Variants in ADARB2 observed in about 807,000 individuals in gnomAD.
The protein encoded by ADARB2 is inactive double-stranded RNA-specific editase B2.
ADARB2 carries 25 observed loss-of-function variants against 62.2 expected under a neutral mutation model. The observed-to-expected ratio is 0.40, with a 90% CI of 0.29 to 0.56. The LOEUF is 0.56. ADARB2 is among the 20% of genes least tolerant of loss of function. The probability of loss-of-function intolerance (pLI) is 0.43; values close to 1 mark genes in which losing one functional copy is unlikely to be tolerated. For synonymous variants in ADARB2, 572 were observed against 500.8 expected, an observed-to-expected ratio of 1.14 and a Z score of -1.90; for missense variants, 1,071 against 1,077.4, an observed-to-expected ratio of 0.99 and a Z score of 0.08.
At chr10:1,352,878 A>G (rs1214579278) in intron 3 of ADARB2, among the ~76,000 whole-genome samples, 4 of 151,876 alleles carry the variant, frequency 2.6e-5, no homozygotes, top group African/African-American at 7.3e-5. Context: ...CCATTTCCCC[A>G]TATTTCCTTC....
Position 1,620,782 on chromosome 10 carries a change from C to T in ADARB2, c.100+116269G>A, listed in dbSNP as rs147522257. On this transcript the variant is annotated intron_variant, in intron 1 of 9. Coordinates refer to ENST00000381312, the MANE Select transcript of ADARB2 (RefSeq NM_018702.4). ...GTATGTAAAGACCAAGTTAGATTTACGCCTACAGTGAAAAGTTGGCCTAAA... is the reference window on the plus strand; with the variant it reads ...GTATGTAAAGACCAAGTTAGATTTATGCCTACAGTGAAAAGTTGGCCTAAA... Among the ~76,000 whole-genome samples the T allele has an allele frequency of 4.4e-3, 676 of 152,304 alleles. 6 individuals carry two copies. The highest frequency in any genetic ancestry group is 0.015 in the African/African-American group (629 of 41,560).
chr10:1,593,886 C>T (rs1341532021), intron 1 of ADARB2, among the ~76,000 whole-genome samples: 2 of 152,182 alleles, frequency 1.3e-5, no homozygotes, highest in East Asian at 1.9e-4. Flanking sequence ...ATGTGAAGTG[C>T]TTCTACATGA....
At chr10:1,543,777 T>C (rs1326593461) in intron 1 of ADARB2, among the ~76,000 whole-genome samples, 1 of 152,214 alleles carries the variant, frequency 6.6e-6, no homozygotes, top group Non-Finnish European at 1.5e-5. Context: ...TTCTTCCCTG[T>C]GAAGGGGCAG....
In ADARB2 at chr10:1,199,981, G is replaced by A. The variant is rs139728897; in HGVS notation, c.1849C>T (p.Arg617Trp). 5.0e-5 allele frequency: 78 copies of A among 1,563,318 alleles called. No individual in the cohort carries two copies. The highest frequency in any genetic ancestry group is 8.1e-5 in the South Asian group (7 of 86,026). Reference protein sequence around the residue: ...GQLPASYRHNRPLLSGVSDAE... With the variant: ...GQLPASYRHNWPLLSGVSDAE... Reference sequence around the variant, plus strand: ...GGGTTCTTACCGCTGAGGAGAGGCCGGTTGTGCCGGTAGGAGGCGGGCAGC... The same window carrying A: ...GGGTTCTTACCGCTGAGGAGAGGCCAGTTGTGCCGGTAGGAGGCGGGCAGC... The change falls in exon 8 of 10, where the codon CGG (arginine) becomes TGG (tryptophan). Residue 617 changes from arginine (R) to tryptophan (W), a missense_variant. Arg to Trp is a moderately radical substitution (Grantham distance 101). Coordinates refer to ENST00000381312, the MANE Select transcript of ADARB2 (RefSeq NM_018702.4).
At chr10:1,428,882 G>GAC (rs150643981) in intron 1 of ADARB2, among the ~76,000 whole-genome samples, 20 of 149,968 alleles carry the variant, frequency 1.3e-4, no homozygotes, top group Admixed American at 6.0e-4. Context: ...CACACACACG[G>GAC]ACACACACAC....
chr10:1,182,991 A>C lies in ADARB2; in HGVS notation c.*202T>G. 3.3e-6 allele frequency: 2 copies of C among 610,274 alleles called. No homozygotes were observed. The highest frequency in any genetic ancestry group is 4.5e-4 in the Middle Eastern group (1 of 2,208). The allele number at this position is 610,274 out of a possible 1,614,324, so 37.8% of individuals were successfully genotyped here. On this transcript the variant is annotated 3_prime_UTR_variant, in exon 10 of 10. Coordinates refer to ENST00000381312, the MANE Select transcript of ADARB2 (RefSeq NM_018702.4). Reference sequence around the variant, plus strand: ...GTGCATGTGCCCCTGGGTGTGGGGGACAGGGTTCTGGGGCCAGCGATCTGG... The same window carrying C: ...GTGCATGTGCCCCTGGGTGTGGGGGCCAGGGTTCTGGGGCCAGCGATCTGG...
chr10:1,683,033 T>C (rs1010339651), intron 1 of ADARB2, among the ~76,000 whole-genome samples: 1 of 152,204 alleles, frequency 6.6e-6, no homozygotes, highest in Admixed American at 6.5e-5. Context: ...ACAGCTTCAT[T>C]TGCGTGGAAG....
chr10:1,453,763 C>G (rs1189286130), intron 1 of ADARB2, among the ~76,000 whole-genome samples: 1 of 152,116 alleles, frequency 6.6e-6, no homozygotes, highest in African/African-American at 2.4e-5. Context: ...CTCAACGTCA[C>G]TAATCATTAG....
intron 7 of ADARB2, chr10:1,200,516 G>T: frequency 6.7e-6 from 3 of 447,656 alleles, no homozygotes; most frequent in South Asian, 6.4e-5. Context: ...TACTATAAAT[G>T]GAATTTGTTT....
chr10:1,321,283 A>C (rs958738392), intron 3 of ADARB2, among the ~76,000 whole-genome samples: 1 of 152,184 alleles, frequency 6.6e-6, no homozygotes, highest in East Asian at 1.9e-4. Context: ...TGTTGTCCTC[A>C]TCCGGAAGAT....
At chr10:1,730,873 CCAGA>C (rs749364264) in intron 1 of ADARB2, among the ~76,000 whole-genome samples, 3 of 152,200 alleles carry the variant, frequency 2.0e-5, no homozygotes, top group South Asian at 2.1e-4. Context: ...AGAGGACTTA[CCAGA>C]CATTTTCCTG....
chr10:1,409,452 TCGTGGTCATGGTGCTAAGGCCTGGC>T (rs1341541756), intron 1 of ADARB2, among the ~76,000 whole-genome samples: 3 of 148,964 alleles, frequency 2.0e-5, no homozygotes, highest in Non-Finnish European at 4.5e-5. Context: ...TGAGGCCTGG[TCGTGGTCATGGTGCTAAGGCCTGGC>T]CGTGGTCATG....
intron 1 of ADARB2, chr10:1,556,905 A>G (rs1465646071): frequency 2.1e-6 from 1 of 485,058 alleles, no homozygotes; most frequent in Non-Finnish European, 4.3e-6. Context: ...TTTGACCTCT[A>G]TTCCTATCAC....
chr10:1,662,779 G>A (rs996868029), intron 1 of ADARB2, among the ~76,000 whole-genome samples: 3 of 152,176 alleles, frequency 2.0e-5, no homozygotes, highest in African/African-American at 4.8e-5. Flanking sequence ...TGACCACGCC[G>A]GGTGCCCAGG....
At chr10:1,420,337 T>C (rs1244367122) in intron 1 of ADARB2, among the ~76,000 whole-genome samples, 1 of 152,208 alleles carries the variant, frequency 6.6e-6, no homozygotes, top group African/African-American at 2.4e-5. Context: ...CAGACAGATA[T>C]GTGGTGGGGG....
chr10:1,272,980 G>A (rs1831277188), intron 3 of ADARB2, among the ~76,000 whole-genome samples: 1 of 152,180 alleles, frequency 6.6e-6, no homozygotes, highest in South Asian at 2.1e-4. Context: ...CCTGGGTGGT[G>A]GCCGCATCAC....
At chr10:1,721,455 T>C (rs1835091512) in intron 1 of ADARB2, among the ~76,000 whole-genome samples, 1 of 152,216 alleles carries the variant, frequency 6.6e-6, no homozygotes, top group African/African-American at 2.4e-5. Flanking sequence ...ATTCTATTTA[T>C]ACTGAATTAG....
At chr10:1,705,379 A>G (rs1909435) in intron 1 of ADARB2, among the ~76,000 whole-genome samples, 152,215 of 152,268 alleles carry the variant, frequency 1, 76,081 homozygotes, top group Middle Eastern at 1. Flanking sequence ...GGATGGCACC[A>G]GGGGTCCTGG....
intron 4 of ADARB2, among the ~76,000 whole-genome samples, chr10:1,270,670 C>T (rs1184958786): frequency 6.6e-6 from 1 of 152,190 alleles, no homozygotes; most frequent in African/African-American, 2.4e-5. Flanking sequence ...ACTTAGGACT[C>T]TCAGGAGACG....
Sources: gnomAD v4.1 joint callset for allele counts (sites outside exome capture counted in the v4.1 genomes callset) on GRCh38, gnomAD v4.1.1 for gene constraint, MANE v1.5 for transcripts, NCBI Gene and HGNC (gene_info 2026-07-23, HGNC 2026-07-21) for gene names.